The following DCC variants were observed in gnomAD, a reference collection of about 807,000 sequenced individuals.
DCC encodes the protein netrin receptor DCC.
A neutral mutation model predicts 172.5 loss-of-function variants in DCC; 58 were observed. The observed-to-expected ratio is 0.34, with a 90% CI of 0.27 to 0.42. DCC has a LOEUF of 0.42. Among genes scored for constraint, DCC ranks in the 10% least tolerant of loss-of-function variants. The pLI is 1.00. For missense variants in DCC, 1,740 were observed against 1,791.0 expected, an observed-to-expected ratio of 0.97 and a Z score of 0.51; for synonymous variants, 709 against 644.5, an observed-to-expected ratio of 1.10 and a Z score of -1.52.
At chr18:53,243,272 TAAAG>T (rs1025831674) in intron 12 of DCC, among the ~76,000 whole-genome samples, 14 of 152,064 alleles carry the variant, frequency 9.2e-5, no homozygotes, top group African/African-American at 3.4e-4. Context: ...ACCTCTTTCT[TAAAG>T]AAGAAGAATC....
At chr18:52,930,822 C>T (rs2040296371) in intron 5 of DCC, among the ~76,000 whole-genome samples, 1 of 152,026 alleles carries the variant, frequency 6.6e-6, no homozygotes. Flanking sequence ...TTACATTTTG[C>T]ATATGGCACC....
intron 2 of DCC, among the ~76,000 whole-genome samples, chr18:52,903,856 A>G (rs1488028363): frequency 6.6e-6 from 1 of 152,204 alleles, no homozygotes; most frequent in Non-Finnish European, 1.5e-5. Context: ...TCCATACCTG[A>G]GCCAATCTGT....
intron 1 of DCC, among the ~76,000 whole-genome samples, chr18:52,700,116 C>CTCTT (rs960031008): frequency 5.3e-5 from 8 of 152,026 alleles, no homozygotes; most frequent in Non-Finnish European, 1.2e-4. Flanking sequence ...AATCTCTGCT[C>CTCTT]TCTCGTTTGC....
At chr18:52,815,437 C>CACACAT (rs200788100) in intron 2 of DCC, among the ~76,000 whole-genome samples, 8 of 150,424 alleles carry the variant, frequency 5.3e-5, no homozygotes, top group African/African-American at 2.0e-4. Context: ...CACACACACA[C>CACACAT]GTTCTCTCTC....
At chr18:52,648,846 C>G (rs1300849679) in intron 1 of DCC, among the ~76,000 whole-genome samples, 1 of 152,144 alleles carries the variant, frequency 6.6e-6, no homozygotes, top group Non-Finnish European at 1.5e-5. Flanking sequence ...TCTGAGGGCC[C>G]TTTATCATGC....
At chr18:52,872,699 G>A (rs1174027084) in intron 2 of DCC, among the ~76,000 whole-genome samples, 1 of 152,146 alleles carries the variant, frequency 6.6e-6, no homozygotes, top group Non-Finnish European at 1.5e-5. Context: ...AACCCTCAAT[G>A]CAAAGACTTT....
At chr18:52,991,187 AC>A (rs1203580850) in intron 5 of DCC, among the ~76,000 whole-genome samples, 1 of 152,176 alleles carries the variant, frequency 6.6e-6, no homozygotes, top group Non-Finnish European at 1.5e-5. Flanking sequence ...CAATTGTAGA[AC>A]CTGTGGCATA....
chr18:52,884,112 C>T (rs1238142000), intron 2 of DCC, among the ~76,000 whole-genome samples: 3 of 151,890 alleles, frequency 2.0e-5, no homozygotes, highest in Admixed American at 2.0e-4. Context: ...TTTCTTTTCT[C>T]TTACTGCTTT....
chr18:53,402,274 C>T lies in DCC; in HGVS notation c.2828-512C>T, dbSNP rs181412217. On this transcript the variant is annotated intron_variant, in intron 18 of 28. Transcript: ENST00000442544. ...GAGTAGTGGTGTGCAACAGTGGATC[C>T]GGCTACTCAGGAGGCTGAGATGGGA... Among the ~76,000 whole-genome samples the T allele has an allele frequency of 3.4e-3, 511 of 151,918 alleles. 1 individual carries two copies. The highest frequency in any genetic ancestry group is 0.011 in the African/African-American group (474 of 41,402).
intron 27 of DCC, among the ~76,000 whole-genome samples, chr18:53,510,053 C>G (rs1357476164): frequency 6.6e-6 from 1 of 152,102 alleles, no homozygotes; most frequent in Non-Finnish European, 1.5e-5. Context: ...AAATGAACAT[C>G]AGTAGATCAG....
At chr18:52,733,770 A>T (rs1315114285) in intron 1 of DCC, among the ~76,000 whole-genome samples, 1 of 152,156 alleles carries the variant, frequency 6.6e-6, no homozygotes, top group Non-Finnish European at 1.5e-5. Context: ...TGCTGGGATT[A>T]CAGGTAAGAG....
At chr18:52,898,218 C>A (rs1231736309) in intron 2 of DCC, among the ~76,000 whole-genome samples, 1 of 152,154 alleles carries the variant, frequency 6.6e-6, no homozygotes, top group African/African-American at 2.4e-5. Context: ...ATTGATAAGT[C>A]TCTTTTTATT....
rs1028610059 is a variant in DCC, at chr18:53,532,682, C to T, written c.*2029C>T. 6.6e-6 allele frequency: 1 copy of T among 152,144 alleles called. No homozygotes were observed. Among genetic ancestry groups the T allele is most frequent in the Non-Finnish European group, 1.5e-5 (1 of 68,026 alleles). 9.4% of individuals were successfully genotyped at this position (152,144 alleles called of 1,614,324 possible). A position where few individuals can be genotyped will look rare whatever the true frequency, so the allele number is the denominator to read the frequency against. Reference sequence around the variant, plus strand: ...GAATTATTACCTCCCCTTTCTAATTCTAGCAAACATGGAACATTCTCCTTA... The same window carrying T: ...GAATTATTACCTCCCCTTTCTAATTTTAGCAAACATGGAACATTCTCCTTA... On this transcript the variant is annotated 3_prime_UTR_variant, in exon 29 of 29. Coordinates refer to ENST00000442544, the MANE Select transcript of DCC (RefSeq NM_005215.4).
chr18:52,629,971 A>AC (rs1243410699), intron 1 of DCC, among the ~76,000 whole-genome samples: 12 of 147,766 alleles, frequency 8.1e-5, no homozygotes, highest in Non-Finnish European at 1.5e-4. Context: ...AAAAAAAAAA[A>AC]AAAAATTAGC....
chr18:52,786,889 G>A (rs1350756914), intron 2 of DCC, among the ~76,000 whole-genome samples: 3 of 152,036 alleles, frequency 2.0e-5, no homozygotes, highest in African/African-American at 4.8e-5. Context: ...TCAAAGCCTT[G>A]ATAAAATAAC....
intron 5 of DCC, among the ~76,000 whole-genome samples, chr18:53,059,630 T>C (rs2042465614): frequency 6.6e-6 from 1 of 152,168 alleles, no homozygotes; most frequent in Non-Finnish European, 1.5e-5. Flanking sequence ...AAATAATCAA[T>C]ACCCGTTATT....
At chr18:53,460,874 T>C in intron 24 of DCC, among the ~76,000 whole-genome samples, 1 of 152,110 alleles carries the variant, frequency 6.6e-6, no homozygotes, top group East Asian at 1.9e-4. Flanking sequence ...CCACAATGGT[T>C]GAACTAGTTT....
At chr18:52,381,792 G>T (rs180768139) in intron 1 of DCC, among the ~76,000 whole-genome samples, 1 of 152,104 alleles carries the variant, frequency 6.6e-6, no homozygotes, top group Non-Finnish European at 1.5e-5. Flanking sequence ...ATTCTTAGGA[G>T]CTGCTGCTAA....
Position 53,429,594 on chromosome 18 carries a change from A to G in DCC, c.3164-5550A>G, listed in dbSNP as rs536101272. On this transcript the variant is annotated intron_variant, in intron 21 of 28. Transcript: ENST00000442544. ...TGGAATTGCAAAAATACTACTACTT[A>G]TGATTAAGAGAAATATGGGTAATGG... is the stretch of plus-strand genomic sequence containing the variant. Among the ~76,000 whole-genome samples the G allele has an allele frequency of 1.4e-4, 21 of 152,174 alleles. No individual in the cohort carries two copies. The South Asian group carries it at 3.7e-3, about 27-fold the overall frequency.
Sources: gnomAD v4.1 joint callset for allele counts (sites outside exome capture counted in the v4.1 genomes callset) on GRCh38, gnomAD v4.1.1 for gene constraint, MANE v1.5 for transcripts, NCBI Gene and HGNC (gene_info 2026-07-23, HGNC 2026-07-21) for gene names.